The following PTN variants were observed in gnomAD, a reference collection of about 807,000 sequenced individuals.
PTN encodes the protein pleiotrophin, also known as heparin affin regulatory protein.
PTN carries 18 observed loss-of-function variants against 24.1 expected under a neutral mutation model. That is an observed-to-expected ratio of 0.75 (90% CI 0.52 to 1.11). The LOEUF (loss-of-function observed/expected upper bound fraction) is 1.11, where lower values mean the gene tolerates loss of function less well. PTN is among the 50% of genes least tolerant of loss of function. PTN has a pLI of 0.00. For synonymous variants in PTN, 78 were observed against 68.6 expected (o/e 1.14, Z -0.67); for missense variants, 163 against 198.8 (o/e 0.82, Z 1.08).
chr7:137,269,540 T>G (rs1809234975), intron 1 of PTN, among the ~76,000 whole-genome samples: 1 of 152,040 alleles, frequency 6.6e-6, no homozygotes, highest in African/African-American at 2.4e-5. Context: ...GCTTTCAGGT[T>G]TGTGAGAGAA....
intron 1 of PTN, among the ~76,000 whole-genome samples, chr7:137,293,782 T>C (rs6950835): frequency 0.68 from 103,459 of 151,706 alleles, 35,766 homozygotes; most frequent in African/African-American, 0.74. Flanking sequence ...TTCGTTGACA[T>C]GTCATCACTC....
intron 1 of PTN, among the ~76,000 whole-genome samples, chr7:137,258,585 G>C (rs898449898): frequency 2.0e-5 from 3 of 152,052 alleles, no homozygotes; most frequent in Admixed American, 2.0e-4. Context: ...TAAAAGAAGA[G>C]AGTAAAGAGT....
intron 1 of PTN, among the ~76,000 whole-genome samples, chr7:137,316,816 C>T (rs1344584077): frequency 6.6e-6 from 1 of 152,080 alleles, no homozygotes. Flanking sequence ...TCTCTAAGAA[C>T]AGGGCTGCAC....
intron 4 of PTN, among the ~76,000 whole-genome samples, chr7:137,231,092 C>G (rs146565992): frequency 6.6e-6 from 1 of 151,966 alleles, no homozygotes; most frequent in Non-Finnish European, 1.5e-5. Context: ...GTTAGAGCAC[C>G]TATCTCTAGC....
At chr7:137,335,356 C>T (rs1231197753) in intron 1 of PTN, among the ~76,000 whole-genome samples, 1 of 152,054 alleles carries the variant, frequency 6.6e-6, no homozygotes, top group African/African-American at 2.4e-5. Context: ...GGGCTTTTTA[C>T]ACTTAAGGGA....
At chr7:137,252,755 G>A (rs1808850608) in intron 3 of PTN, among the ~76,000 whole-genome samples, 1 of 151,874 alleles carries the variant, frequency 6.6e-6, no homozygotes, top group African/African-American at 2.4e-5. Flanking sequence ...AGTCTGGATT[G>A]TGGAAGAGGT....
chr7:137,261,011 C>T (rs1300973339), intron 1 of PTN, among the ~76,000 whole-genome samples: 1 of 151,374 alleles, frequency 6.6e-6, no homozygotes, highest in Non-Finnish European at 1.5e-5. Context: ...TGATTCTTTC[C>T]TTTTATTTAT....
chr7:137,278,340 G>GAAAAAAAAAAA (rs1554466606), intron 1 of PTN, among the ~76,000 whole-genome samples: 3 of 97,346 alleles, frequency 3.1e-5, no homozygotes, highest in South Asian at 3.9e-4. Flanking sequence ...AAAAAAAAAT[G>GAAAAAAAAAAA]ACTACTAATC....
Position 137,227,798 on chromosome 7 carries a change from A to G in PTN, c.*222T>C, listed in dbSNP as rs892527041. On this transcript the variant is annotated 3_prime_UTR_variant, in exon 5 of 5. Transcript: ENST00000348225. Reference sequence around the variant, plus strand: ...ATCATTTATCATGTACTATAAGTCAACTTCCTAAATAAGATTACAGTCCTT... The same window carrying G: ...ATCATTTATCATGTACTATAAGTCAGCTTCCTAAATAAGATTACAGTCCTT... 7 of 381,484 alleles carry G rather than the reference A, an allele frequency of 1.8e-5. No homozygotes were observed. Among genetic ancestry groups the G allele is most frequent in the African/African-American group, 1.3e-4 (6 of 47,950 alleles). 23.6% of individuals were successfully genotyped at this position (381,484 alleles called of 1,614,324 possible). A position where few individuals can be genotyped will look rare whatever the true frequency, so the allele number is the denominator to read the frequency against.
chr7:137,298,577 C>T (rs1809756033), intron 1 of PTN, among the ~76,000 whole-genome samples: 1 of 151,838 alleles, frequency 6.6e-6, no homozygotes, highest in Admixed American at 6.6e-5. Context: ...CTTGGTGGCT[C>T]AGCACACCGT....
In PTN at chr7:137,324,433, A is replaced by AAAAAAAAAAAAAAAAAT; in HGVS notation, c.-2+19005_-2+19006insATTTTTTTTTTTTTTTT. ...CCCTGTCTCTAAAAAAAAAAAAAAA[A>AAAAAAAAAAAAAAAAAT]ATATATATATATATATATAAATTAA... On this transcript the variant is annotated intron_variant, in intron 1 of 4. Coordinates refer to ENST00000348225, the MANE Select transcript of PTN (RefSeq NM_002825.7). Among the ~76,000 whole-genome samples the AAAAAAAAAAAAAAAAAT allele has an allele frequency of 4.1e-4, 36 of 88,756 alleles. 1 individual carries two copies. The highest frequency in any genetic ancestry group is 2.4e-3 in the African/African-American group (35 of 14,476). 58.2% of individuals were successfully genotyped at this position (88,756 alleles called of 152,430 possible).
intron 4 of PTN, among the ~76,000 whole-genome samples, chr7:137,235,828 T>C (rs548056742): frequency 6.6e-6 from 1 of 152,286 alleles, no homozygotes; most frequent in Non-Finnish European, 1.5e-5. Context: ...CCTGCTCAAC[T>C]ATCTGCTCTT....
intron 1 of PTN, among the ~76,000 whole-genome samples, chr7:137,312,961 T>G (rs1370444196): frequency 6.6e-6 from 1 of 152,196 alleles, no homozygotes; most frequent in African/African-American, 2.4e-5. Context: ...ATGGTGATAT[T>G]TAATATTTTA....
In PTN at chr7:137,227,874, CA is replaced by C; in HGVS notation, c.*145del. 8.9e-7 allele frequency: 1 copy of C among 1,120,472 alleles called. No homozygotes were observed. Among genetic ancestry groups the C allele is most frequent in the Non-Finnish European group, 1.2e-6 (1 of 819,808 alleles). The allele number at this position is 1,120,472 out of a possible 1,614,324, so 69.4% of individuals were successfully genotyped here. ...AGTATACATTTAAAAAACGCTACTA[CA>C]AAAATTTTCTTTTCTTTTTGTTTTT... On this transcript the variant is annotated 3_prime_UTR_variant, in exon 5 of 5. Transcript: ENST00000348225.
intron 1 of PTN, among the ~76,000 whole-genome samples, chr7:137,291,848 G>A (rs1809643343): frequency 6.6e-6 from 1 of 152,070 alleles, no homozygotes; most frequent in Non-Finnish European, 1.5e-5. Flanking sequence ...TAAATTTCTA[G>A]CCAGAGGCAG....
chr7:137,232,565 T>C (rs1251077908), intron 4 of PTN, among the ~76,000 whole-genome samples: 2 of 151,976 alleles, frequency 1.3e-5, no homozygotes, highest in African/African-American at 4.8e-5. Flanking sequence ...GCTTCTTACA[T>C]TGCTATGAAT....
chr7:137,257,297 T>C (rs530205749), intron 1 of PTN, among the ~76,000 whole-genome samples: 48 of 152,340 alleles, frequency 3.2e-4, no homozygotes, highest in South Asian at 4.1e-4. Context: ...AAAGTGATCA[T>C]GGCTTTTGCC....
rs554551131 is a variant in PTN, at chr7:137,262,002, C to T, written c.-1-7028G>A. Reference sequence around the variant, plus strand: ...AGAATAATATCTTTAGGTTCTATGGCTAGTTTTGGGGAAAAAGAGTTCTGG... The same window carrying T: ...AGAATAATATCTTTAGGTTCTATGGTTAGTTTTGGGGAAAAAGAGTTCTGG... On this transcript the variant is annotated intron_variant, in intron 1 of 4. Coordinates refer to ENST00000348225, the MANE Select transcript of PTN (RefSeq NM_002825.7). 4.0e-5 allele frequency among the ~76,000 whole-genome samples: 6 copies of T among 149,978 alleles called. No homozygotes were observed. In the South Asian group the frequency reaches 1.1e-3, roughly 28 times the overall value.
At chr7:137,257,373 G>C (rs1022133152) in intron 1 of PTN, among the ~76,000 whole-genome samples, 1 of 152,192 alleles carries the variant, frequency 6.6e-6, no homozygotes, top group Non-Finnish European at 1.5e-5. Context: ...ACGCAGAAAA[G>C]TTTCTACTGA....
Sources: gnomAD v4.1 joint callset for allele counts (sites outside exome capture counted in the v4.1 genomes callset) on GRCh38, gnomAD v4.1.1 for gene constraint, MANE v1.5 for transcripts, NCBI Gene and HGNC (gene_info 2026-07-23, HGNC 2026-07-21) for gene names.